Variants in SDK1 observed in about 807,000 individuals in gnomAD.
SDK1 encodes protein sidekick-1.
A neutral mutation model predicts 245.5 loss-of-function variants in SDK1; 157 were observed. The ratio of observed to expected loss-of-function variants is 0.64; its 90% confidence interval spans 0.56 to 0.73. The LOEUF is 0.73. SDK1 is among the 30% of genes least tolerant of loss of function. The probability of loss-of-function intolerance (pLI) is 0.00; values close to 1 mark genes in which losing one functional copy is unlikely to be tolerated. For synonymous variants in SDK1, 1,647 were observed against 1,278.5 expected, an observed-to-expected ratio of 1.29 and a Z score of -6.15; for missense variants, 3,583 against 3,002.3, an observed-to-expected ratio of 1.19 and a Z score of -4.52.
At chr7:4,006,174 A>C (rs570561890) in intron 14 of SDK1, among the ~76,000 whole-genome samples, 1 of 152,348 alleles carries the variant, frequency 6.6e-6, no homozygotes, top group South Asian at 2.1e-4. Flanking sequence ...AGCTTCCAGT[A>C]CATTTTCAAA....
intron 1 of SDK1, among the ~76,000 whole-genome samples, chr7:3,371,389 G>A (rs374408048): frequency 2.0e-4 from 31 of 152,096 alleles, no homozygotes; most frequent in African/African-American, 7.2e-4. Context: ...TTGGAGGACA[G>A]TGTCTCTCTC....
At chr7:4,217,117 C>A (rs113280628) in intron 38 of SDK1, among the ~76,000 whole-genome samples, 4 of 67,416 alleles carry the variant, frequency 5.9e-5, no homozygotes, top group African/African-American at 2.6e-4. Flanking sequence ...CCACCCGGAG[C>A]ACCACACCAC....
intron 14 of SDK1, among the ~76,000 whole-genome samples, chr7:3,990,423 A>G (rs1784208646): frequency 6.6e-6 from 1 of 152,162 alleles, no homozygotes; most frequent in East Asian, 1.9e-4. Flanking sequence ...CTTAGCTTCC[A>G]TTCAACGGCT....
intron 22 of SDK1, among the ~76,000 whole-genome samples, chr7:4,080,199 C>G (rs1780964500): frequency 6.6e-6 from 1 of 151,946 alleles, no homozygotes. Context: ...CTGGGGAGAG[C>G]TGGGGGCGGG....
intron 1 of SDK1, among the ~76,000 whole-genome samples, chr7:3,437,581 G>A (rs969587287): frequency 6.6e-6 from 1 of 152,000 alleles, no homozygotes; most frequent in African/African-American, 2.4e-5. Flanking sequence ...AGATCAGCCT[G>A]GGCAACAGCA....
intron 1 of SDK1, among the ~76,000 whole-genome samples, chr7:3,580,227 A>G (rs1780436620): frequency 6.6e-6 from 1 of 152,216 alleles, no homozygotes; most frequent in South Asian, 2.1e-4. Context: ...CCAAAGCAGT[A>G]TACAGATTCA....
chr7:3,789,224 C>T (rs548984977), intron 4 of SDK1, among the ~76,000 whole-genome samples: 12 of 152,122 alleles, frequency 7.9e-5, no homozygotes, highest in East Asian at 1.9e-4. Context: ...CTCAGCTCAC[C>T]GCAACCTCCA....
chr7:3,429,069 A>T (rs1461924442), intron 1 of SDK1, among the ~76,000 whole-genome samples: 1 of 152,174 alleles, frequency 6.6e-6, no homozygotes, highest in Non-Finnish European at 1.5e-5. Context: ...CAGAGTCCAC[A>T]GTAAGTAGTC....
chr7:3,304,858 G>A (rs139709100), intron 1 of SDK1, among the ~76,000 whole-genome samples: 74 of 152,274 alleles, frequency 4.9e-4, no homozygotes, highest in African/African-American at 1.7e-3. Context: ...CTGATGCCTG[G>A]ATGTCACTCC....
At chr7:4,256,790 T>A (rs1384032193) in intron 44 of SDK1, among the ~76,000 whole-genome samples, 1 of 152,184 alleles carries the variant, frequency 6.6e-6, no homozygotes, top group Non-Finnish European at 1.5e-5. Context: ...AGAAGCCCTT[T>A]GTGGTCTCTG....
In SDK1 at chr7:3,450,395, T is replaced by C. The variant is rs113180688; in HGVS notation, c.298+148511T>C. On this transcript the variant is annotated intron_variant, in intron 1 of 44. Transcript: ENST00000404826. The stretch of plus-strand genomic sequence containing the variant: ...CCCAGGATCTTGAAGATGAGTAGAA[T>C]GGTAGCATAATAATCTGGGTGAGAA... Among the ~76,000 whole-genome samples the C allele has an allele frequency of 3.3e-5, 5 of 152,190 alleles. 1 individual carries two copies. Among genetic ancestry groups the C allele is most frequent in the African/African-American group, 1.2e-4 (5 of 41,526 alleles).
rs751604279 is a variant in SDK1 at position 4,161,660 on chromosome 7, G to A, written c.4730-126G>A. ...AGCCCCGAGGAAGGGCAGGAGAAGGGGACCCCTGGAGAAGGAAGGAGGCAG... is the reference window on the plus strand; with the variant it reads ...AGCCCCGAGGAAGGGCAGGAGAAGGAGACCCCTGGAGAAGGAAGGAGGCAG... On this transcript the variant is annotated intron_variant, in intron 31 of 44. Coordinates refer to ENST00000404826, the MANE Select transcript of SDK1 (RefSeq NM_152744.4). 2.9e-5 allele frequency: 21 copies of A among 734,132 alleles called. No individual in the cohort carries two copies. In the African/African-American group the frequency reaches 3.5e-4, roughly 12 times the overall value. The allele number at this position is 734,132 out of a possible 1,614,324, so 45.5% of individuals were successfully genotyped here. A position where few individuals can be genotyped will look rare whatever the true frequency, so the allele number is the denominator to read the frequency against.
rs373086234 is a variant in SDK1, at chr7:3,551,987, C to T, written c.299-67093C>T. On this transcript the variant is annotated intron_variant, in intron 1 of 44. Coordinates refer to ENST00000404826, the MANE Select transcript of SDK1 (RefSeq NM_152744.4). ...TATTAATACTATGGCCTGGGTCGTTCGGGTTGTAGTGTGATACAACTCCTA... is the reference window on the plus strand; with the variant it reads ...TATTAATACTATGGCCTGGGTCGTTTGGGTTGTAGTGTGATACAACTCCTA... 1.1e-4 allele frequency among the ~76,000 whole-genome samples: 17 copies of T among 152,094 alleles called. 2 individuals carry two copies. Among genetic ancestry groups the T allele is most frequent in the African/African-American group, 3.6e-4 (15 of 41,500 alleles).
intron 1 of SDK1, among the ~76,000 whole-genome samples, chr7:3,505,726 C>T (rs1481184524): frequency 1.3e-5 from 2 of 152,070 alleles, no homozygotes; most frequent in Admixed American, 6.5e-5. Flanking sequence ...CCAAAAGTGG[C>T]TCAAAAATAC....
chr7:3,894,006 C>T (rs867489655), intron 5 of SDK1, among the ~76,000 whole-genome samples: 4 of 152,134 alleles, frequency 2.6e-5, no homozygotes, highest in African/African-American at 4.8e-5. Context: ...GTATAAGATA[C>T]GAGAATACAG....
rs895750110 is a variant in SDK1 at position 4,268,893 on chromosome 7, T to G, written c.*3509T>G. 2 of 447,202 alleles carry G rather than the reference T, an allele frequency of 4.5e-6. No homozygotes were observed. The highest frequency in any genetic ancestry group is 8.3e-6 in the Non-Finnish European group (2 of 241,852). The allele number at this position is 447,202 out of a possible 1,614,324, so 27.7% of individuals were successfully genotyped here. A position where few individuals can be genotyped will look rare whatever the true frequency, so the allele number is the denominator to read the frequency against. On this transcript the variant is annotated 3_prime_UTR_variant, in exon 45 of 45. Coordinates refer to ENST00000404826, the MANE Select transcript of SDK1 (RefSeq NM_152744.4). The stretch of plus-strand genomic sequence containing the variant: ...CGTTCCCTACAACTTTTTCTGAAAT[T>G]GTGCAGAAAAACAGATCTCATTAAA...
intron 1 of SDK1, among the ~76,000 whole-genome samples, chr7:3,392,542 C>G (rs940560508): frequency 7.9e-5 from 12 of 152,078 alleles, no homozygotes; most frequent in Non-Finnish European, 1.8e-4. Context: ...GTATGGCCAT[C>G]ACCATTATTT....
chr7:3,374,523 GTCTC>G (rs1416927432), intron 1 of SDK1, among the ~76,000 whole-genome samples: 3 of 152,118 alleles, frequency 2.0e-5, no homozygotes, highest in Non-Finnish European at 4.4e-5. Flanking sequence ...CCACCAGAAG[GTCTC>G]TCTCCTGCAT....
chr7:4,132,839 C>T (rs1489263673), intron 28 of SDK1, among the ~76,000 whole-genome samples: 1 of 152,192 alleles, frequency 6.6e-6, no homozygotes, highest in Non-Finnish European at 1.5e-5. Flanking sequence ...AGGCTGTCTC[C>T]AGCAGCCTAG....
Sources: gnomAD v4.1 joint callset for allele counts (sites outside exome capture counted in the v4.1 genomes callset) on GRCh38, gnomAD v4.1.1 for gene constraint, MANE v1.5 for transcripts, NCBI Gene and HGNC (gene_info 2026-07-23, HGNC 2026-07-21) for gene names.